The following CDH10 variants were observed in gnomAD, a reference collection of about 807,000 sequenced individuals.
CDH10 encodes the protein cadherin-10.
Under a neutral mutation model 73.1 loss-of-function variants are expected in CDH10, and 30 were observed. The observed-to-expected ratio is 0.41, with a 90% confidence interval of 0.31 to 0.56. The LOEUF is 0.56. CDH10 is among the 20% of genes least tolerant of loss of function. The pLI is 0.27. For missense variants in CDH10, 815 were observed against 973.7 expected (o/e 0.84, Z 2.17); for synonymous variants, 345 against 348.2 (o/e 0.99, Z 0.10).
chr5:24,637,939 A>G (rs10052524), intron 1 of CDH10, among the ~76,000 whole-genome samples: 35,784 of 151,592 alleles, frequency 0.24, 4,825 homozygotes, highest in African/African-American at 0.37. Flanking sequence ...ACCTACCTAG[A>G]AACAGGCTTG....
intron 5 of CDH10, among the ~76,000 whole-genome samples, chr5:24,525,371 GC>G (rs973912487): frequency 6.5e-4 from 99 of 151,880 alleles, no homozygotes; most frequent in African/African-American, 2.3e-3. Flanking sequence ...TTTAACTTTA[GC>G]TTAATTTTTT....
intron 9 of CDH10, among the ~76,000 whole-genome samples, chr5:24,494,492 C>T (rs1742189634): frequency 6.6e-6 from 1 of 151,858 alleles, no homozygotes; most frequent in South Asian, 2.1e-4. Flanking sequence ...TTAACATTCA[C>T]ATACAGACAC....
At chr5:24,627,823 T>G (rs1747563644) in intron 1 of CDH10, among the ~76,000 whole-genome samples, 1 of 152,182 alleles carries the variant, frequency 6.6e-6, no homozygotes. Flanking sequence ...AGCACAACGA[T>G]AGCTTTACAT....
At chr5:24,509,245 T>TC (rs1319019170) in intron 7 of CDH10, among the ~76,000 whole-genome samples, 1 of 140,054 alleles carries the variant, frequency 7.1e-6, no homozygotes, top group African/African-American at 2.6e-5. Flanking sequence ...TTTTCCTTTT[T>TC]TTTTTTTTTT....
chr5:24,502,091 T>A (rs552768173), intron 8 of CDH10, among the ~76,000 whole-genome samples: 1 of 151,714 alleles, frequency 6.6e-6, no homozygotes, highest in African/African-American at 2.4e-5. Context: ...GGCTCATTTT[T>A]TTGTATTTTT....
chr5:24,598,325 A>T (rs572677735), intron 1 of CDH10, among the ~76,000 whole-genome samples: 1 of 152,134 alleles, frequency 6.6e-6, no homozygotes, highest in Admixed American at 6.6e-5. Context: ...AAAATGTATA[A>T]TTCTACATTG....
chr5:24,567,132 TA>T (rs150533781), intron 2 of CDH10, among the ~76,000 whole-genome samples: 2,203 of 152,032 alleles, frequency 0.014, 58 homozygotes, highest in African/African-American at 0.051. Context: ...AAAATGCAAA[TA>T]AAAAACTACA....
chr5:24,587,844 T>C (rs1746074299), intron 2 of CDH10, among the ~76,000 whole-genome samples: 1 of 152,186 alleles, frequency 6.6e-6, no homozygotes, highest in Non-Finnish European at 1.5e-5. Context: ...AATACTTTGC[T>C]AAAATGATAT....
chr5:24,549,041 A>T (rs1244433700), intron 2 of CDH10, among the ~76,000 whole-genome samples: 1 of 152,218 alleles, frequency 6.6e-6, no homozygotes, highest in Admixed American at 6.5e-5. Context: ...TTCATAAATC[A>T]ACAGAGAGGT....
At chr5:24,619,911 T>C (rs1407910949) in intron 1 of CDH10, among the ~76,000 whole-genome samples, 1 of 152,144 alleles carries the variant, frequency 6.6e-6, no homozygotes, top group Non-Finnish European at 1.5e-5. Flanking sequence ...TTTCCAGCCT[T>C]CAGAACCGTG....
At chr5:24,554,828 T>C (rs566737990) in intron 2 of CDH10, among the ~76,000 whole-genome samples, 1 of 152,250 alleles carries the variant, frequency 6.6e-6, no homozygotes, top group South Asian at 2.1e-4. Context: ...CAAGTACCTT[T>C]AATCTGACCA....
intron 2 of CDH10, among the ~76,000 whole-genome samples, chr5:24,588,467 T>C (rs767694169): frequency 6.6e-6 from 1 of 152,202 alleles, no homozygotes; most frequent in African/African-American, 2.4e-5. Context: ...TCATTTCAGT[T>C]ATGAAGTAGA....
intron 1 of CDH10, among the ~76,000 whole-genome samples, chr5:24,607,592 T>C (rs1746802149): frequency 1.3e-5 from 2 of 152,218 alleles, no homozygotes. Flanking sequence ...TTTAGCAATA[T>C]GACTTAGAAT....
chr5:24,586,108 T>G (rs2112071997), intron 2 of CDH10, among the ~76,000 whole-genome samples: 1 of 152,330 alleles, frequency 6.6e-6, no homozygotes, highest in Admixed American at 6.5e-5. Flanking sequence ...TTAGAAAATT[T>G]GATATAATAG....
intron 2 of CDH10, among the ~76,000 whole-genome samples, chr5:24,576,650 G>A (rs1745610589): frequency 6.6e-6 from 1 of 152,008 alleles, no homozygotes; most frequent in African/African-American, 2.4e-5. Context: ...TAAATATCCA[G>A]GTGTAAATGT....
chr5:24,598,086 A>C (rs908149807), intron 1 of CDH10, among the ~76,000 whole-genome samples: 1 of 151,984 alleles, frequency 6.6e-6, no homozygotes, highest in Non-Finnish European at 1.5e-5. Flanking sequence ...AATAAAGGAA[A>C]ATTTTTCAGA....
intron 2 of CDH10, among the ~76,000 whole-genome samples, chr5:24,539,352 A>G (rs1190385160): frequency 6.6e-6 from 1 of 151,984 alleles, no homozygotes; most frequent in Non-Finnish European, 1.5e-5. Context: ...TTTACTTATG[A>G]GAACTTATTT....
At chr5:24,544,657 G>T (rs1049211900) in intron 2 of CDH10, among the ~76,000 whole-genome samples, 1 of 152,132 alleles carries the variant, frequency 6.6e-6, no homozygotes, top group Non-Finnish European at 1.5e-5. Flanking sequence ...CCTTGTGCTT[G>T]TGGCCACTTC....
chr5:24,623,442 T>C (rs1347812659), intron 1 of CDH10, among the ~76,000 whole-genome samples: 2 of 152,208 alleles, frequency 1.3e-5, no homozygotes, highest in African/African-American at 4.8e-5. Context: ...AGAACTGTCA[T>C]TGTAATGTGC....
Sources: allele counts gnomAD v4.1 joint callset (sites outside exome capture counted in the v4.1 genomes callset), GRCh38; gene constraint gnomAD v4.1.1; transcripts MANE v1.5; gene names NCBI Gene and HGNC (gene_info 2026-07-23, HGNC 2026-07-21).